Variants in MSRA observed in about 807,000 individuals in gnomAD.
The protein encoded by MSRA is mitochondrial peptide methionine sulfoxide reductase.
A neutral mutation model predicts 31.3 loss-of-function variants in MSRA; 54 were observed. That is an observed-to-expected ratio of 1.73 (90% CI 1.39 to 2.17). MSRA has a LOEUF of 2.17. Ranked by LOEUF, MSRA falls within the 30% of genes most tolerant of loss-of-function variation. The probability of loss-of-function intolerance (pLI) is 0.00; values close to 1 mark genes in which losing one functional copy is unlikely to be tolerated. For synonymous variants in MSRA, 169 were observed against 116.5 expected (o/e 1.45, Z -2.90); for missense variants, 507 against 300.9 (o/e 1.69, Z -5.07).
At chr8:10,394,775 A>C (rs1444446368) in intron 5 of MSRA, among the ~76,000 whole-genome samples, 1 of 152,232 alleles carries the variant, frequency 6.6e-6, no homozygotes, top group African/African-American at 2.4e-5. Context: ...AGACACTAGG[A>C]GGCACAAATG....
intron 5 of MSRA, among the ~76,000 whole-genome samples, chr8:10,388,566 G>A (rs1039825261): frequency 2.0e-5 from 3 of 152,092 alleles, no homozygotes; most frequent in African/African-American, 2.4e-5. Context: ...GGAGACATCC[G>A]ATCTCTCACT....
chr8:10,249,861 G>A (rs1797827142), intron 3 of MSRA, among the ~76,000 whole-genome samples: 2 of 152,194 alleles, frequency 1.3e-5, no homozygotes, highest in Admixed American at 6.5e-5. Context: ...TGGCACTAGG[G>A]AACCCAGAAC....
At chr8:10,402,644 C>T (rs572240626) in intron 5 of MSRA, among the ~76,000 whole-genome samples, 2 of 152,274 alleles carry the variant, frequency 1.3e-5, no homozygotes, top group South Asian at 4.2e-4. Context: ...GGAGTATCCA[C>T]AATGGAAAGA....
In MSRA at chr8:10,403,971, A is replaced by G. The variant is rs1389102509; in HGVS notation, c.544-24177A>G. 2.6e-5 allele frequency among the ~76,000 whole-genome samples: 4 copies of G among 152,226 alleles called. No homozygotes were observed. The East Asian group carries it at 7.7e-4, about 29-fold the overall frequency. Reference sequence around the variant, plus strand: ...GACCCATGAGCATTTAAGAGATGACAATGACGTAATTAAAATGTGTTGGGC... The same window carrying G: ...GACCCATGAGCATTTAAGAGATGACGATGACGTAATTAAAATGTGTTGGGC... On this transcript the variant is annotated intron_variant, in intron 5 of 5. Transcript: ENST00000317173.
At chr8:10,127,454 T>A (rs1278438052) in intron 1 of MSRA, among the ~76,000 whole-genome samples, 2 of 152,234 alleles carry the variant, frequency 1.3e-5, no homozygotes, top group Non-Finnish European at 2.9e-5. Context: ...CTGAGCTGTT[T>A]GTAACCATCC....
intron 5 of MSRA, among the ~76,000 whole-genome samples, chr8:10,387,658 G>A (rs546317891): frequency 6.6e-6 from 1 of 152,198 alleles, no homozygotes; most frequent in African/African-American, 2.4e-5. Flanking sequence ...TCATCATGCA[G>A]ATAAAGTCTC....
chr8:10,081,542 T>A (rs1798292988), intron 1 of MSRA, among the ~76,000 whole-genome samples: 1 of 152,124 alleles, frequency 6.6e-6, no homozygotes, highest in South Asian at 2.1e-4. Context: ...CAGGCTGGAG[T>A]GCAGTGGCGT....
At chr8:10,085,870 C>G (rs1264211097) in intron 1 of MSRA, among the ~76,000 whole-genome samples, 1 of 152,204 alleles carries the variant, frequency 6.6e-6, no homozygotes, top group African/African-American at 2.4e-5. Flanking sequence ...ATGGGCTTTT[C>G]CACCTAGCAT....
At chr8:10,268,150 A>T (rs1242155681) in intron 3 of MSRA, among the ~76,000 whole-genome samples, 1 of 152,262 alleles carries the variant, frequency 6.6e-6, no homozygotes, top group African/African-American at 2.4e-5. Flanking sequence ...TGAGCAGAGC[A>T]GTCCTGGTGT....
chr8:10,300,525 G>A (rs770114408), intron 3 of MSRA, among the ~76,000 whole-genome samples: 3 of 152,022 alleles, frequency 2.0e-5, no homozygotes, highest in Non-Finnish European at 2.9e-5. Flanking sequence ...CAAAGTGCTG[G>A]GATTACAGGC....
intron 3 of MSRA, among the ~76,000 whole-genome samples, chr8:10,262,973 C>A (rs898747492): frequency 3.3e-5 from 5 of 152,192 alleles, no homozygotes; most frequent in African/African-American, 1.2e-4. Context: ...TGGCCCTGGT[C>A]CCTTGACTTC....
chr8:10,163,638 G>A (rs1804862276), intron 1 of MSRA, among the ~76,000 whole-genome samples: 1 of 152,238 alleles, frequency 6.6e-6, no homozygotes, highest in African/African-American at 2.4e-5. Flanking sequence ...AATCAGTATG[G>A]CATTGGGTGG....
chr8:10,355,319 G>C (rs1804443731), intron 5 of MSRA, among the ~76,000 whole-genome samples: 1 of 152,224 alleles, frequency 6.6e-6, no homozygotes, highest in South Asian at 2.1e-4. Flanking sequence ...GTCATTGTCA[G>C]AGACTCGGGA....
At chr8:10,060,573 A>G (rs966932864) in intron 1 of MSRA, among the ~76,000 whole-genome samples, 4 of 150,342 alleles carry the variant, frequency 2.7e-5, no homozygotes, top group African/African-American at 4.9e-5. Flanking sequence ...TTTGAAGATG[A>G]TCTGTCTCGC....
chr8:10,416,688 A>C (rs1299709378), intron 5 of MSRA, among the ~76,000 whole-genome samples: 1 of 152,186 alleles, frequency 6.6e-6, no homozygotes, highest in Non-Finnish European at 1.5e-5. Flanking sequence ...CGTTGACCAC[A>C]CTTGCCTGCA....
rs572689285 is a variant in MSRA at position 10,136,075 on chromosome 8, C to G, written c.143-71758C>G. Among the ~76,000 whole-genome samples the G allele has an allele frequency of 5.9e-5, 9 of 152,252 alleles. No individual in the cohort carries two copies. In the South Asian group the frequency reaches 1.2e-3, roughly 21 times the overall value. Reference sequence around the variant, plus strand: ...ACTTAGGCCTGTGTGGCATCTGGAACACTGTATTCTATCCATTTTAAATTT... The same window carrying G: ...ACTTAGGCCTGTGTGGCATCTGGAAGACTGTATTCTATCCATTTTAAATTT... On this transcript the variant is annotated intron_variant, in intron 1 of 5. Coordinates refer to ENST00000317173, the MANE Select transcript of MSRA (RefSeq NM_012331.5).
intron 1 of MSRA, among the ~76,000 whole-genome samples, chr8:10,170,568 A>T (rs192251423): frequency 0.015 from 2,255 of 152,162 alleles, 20 homozygotes; most frequent in Non-Finnish European, 0.021. Flanking sequence ...AAATGTTTTT[A>T]AAAAAAACAC....
At chr8:10,236,820 G>A (rs1357431689) in intron 2 of MSRA, among the ~76,000 whole-genome samples, 1 of 152,174 alleles carries the variant, frequency 6.6e-6, no homozygotes, top group East Asian at 1.9e-4. Context: ...TGCTGAGATT[G>A]CAGGCGTGAG....
intron 5 of MSRA, among the ~76,000 whole-genome samples, chr8:10,424,779 C>G (rs1014449350): frequency 2.0e-5 from 3 of 152,188 alleles, no homozygotes; most frequent in Non-Finnish European, 4.4e-5. Flanking sequence ...CCAGATCTCC[C>G]AGGCTCCCTG....
Sources: gnomAD v4.1 joint callset for allele counts (sites outside exome capture counted in the v4.1 genomes callset) on GRCh38, gnomAD v4.1.1 for gene constraint, MANE v1.5 for transcripts, NCBI Gene and HGNC (gene_info 2026-07-23, HGNC 2026-07-21) for gene names.